Variants in NOTCH1 observed in about 807,000 individuals in gnomAD.
The protein encoded by NOTCH1 is neurogenic locus notch homolog protein 1.
Under a neutral mutation model 254.8 loss-of-function variants are expected in NOTCH1, and 37 were observed. That is an observed-to-expected ratio of 0.15 (90% CI 0.11 to 0.19). The LOEUF (loss-of-function observed/expected upper bound fraction) is 0.19. Ranked by LOEUF, NOTCH1 falls within the 10% of genes least tolerant of loss-of-function variation. NOTCH1 has a pLI of 1.00. For missense variants in NOTCH1, 2,972 were observed against 3,708.6 expected, an observed-to-expected ratio of 0.80 and a Z score of 5.16; for synonymous variants, 1,731 against 1,618.1, an observed-to-expected ratio of 1.07 and a Z score of -1.68.
At chr9:136,502,121 G>C (rs1843007183) in intron 28 of NOTCH1, 33 bp from the exon 29 acceptor site, 1 of 1,611,034 alleles carries the variant, frequency 6.2e-7, no homozygotes, top group Non-Finnish European at 8.5e-7. Context: ...GTGAGGCTGA[G>C]CGAGCTCCCT....
chr9:136,501,688 T>G, intron 30 of NOTCH1, 60 bp downstream of exon 30: 2 of 1,584,106 alleles, frequency 1.3e-6, no homozygotes, highest in Non-Finnish European at 1.7e-6. Context: ...CCTCGGGGCT[T>G]AGGGGAGAGA....
intron 2 of NOTCH1, among the ~76,000 whole-genome samples, chr9:136,532,444 CCA>C (rs1843576333): frequency 6.7e-6 from 1 of 149,010 alleles, no homozygotes; most frequent in Admixed American, 6.7e-5. Context: ...CATGCAAATC[CCA>C]CACAGTCTCC....
rs1030556389 is a variant in NOTCH1 at position 136,496,812 on chromosome 9, C to T, written c.6927G>A (p.Glu2309=). 1.2e-6 allele frequency: 2 copies of T among 1,612,822 alleles called. No homozygotes were observed. Among genetic ancestry groups the T allele is most frequent in the Non-Finnish European group, 1.7e-6 (2 of 1,180,014 alleles). The change falls in exon 34 of 34, where the codon GAG becomes GAA. Residue 2309 remains glutamate (E), a synonymous_variant. Transcript: ENST00000651671. Reference sequence around the variant, plus strand: ...TGCCGCTCTGCAGCCGGGACAGCCACTCGCATTGACCATTCAAACTGGTGG... The same window carrying T: ...TGCCGCTCTGCAGCCGGGACAGCCATTCGCATTGACCATTCAAACTGGTGG... The part of the protein sequence containing the change: ...GGSTSLNGQC[E]WLSRLQSGMV...
chr9:136,520,587 A>C (rs1210565498), intron 4 of NOTCH1, among the ~76,000 whole-genome samples: 4 of 152,124 alleles, frequency 2.6e-5, no homozygotes, highest in African/African-American at 9.7e-5. Flanking sequence ...AAATACAAGA[A>C]GTAGCAAAGC....
At chr9:136,512,779 A>T (rs934059405) in intron 15 of NOTCH1, among the ~76,000 whole-genome samples, 1 of 152,170 alleles carries the variant, frequency 6.6e-6, no homozygotes. Flanking sequence ...CTAATCTGCC[A>T]ACCCCACCCC....
chr9:136,505,444 A>G lies in NOTCH1; in HGVS notation c.4452T>C (p.Asn1484=), dbSNP rs1016212232. Residue 1484 remains asparagine, a synonymous_variant, in exon 25 of 34, where the codon AAT becomes AAC. Transcript: ENST00000651671. ...ACTGCGTGCAGTTCTTCCAGGGGTC[A>G]TTGAAGTTGAGGGAGCAGTCACCGC... ...WDGGDCSLNF[N]DPWKNCTQSL... 3 of 1,612,890 alleles carry G rather than the reference A, an allele frequency of 1.9e-6. No homozygotes were observed. Among genetic ancestry groups the G allele is most frequent in the Non-Finnish European group, 2.5e-6 (3 of 1,180,016 alleles).
intron 26 of NOTCH1, 131 bp from the exon 27 acceptor site, chr9:136,503,461 G>C: frequency 2.9e-6 from 4 of 1,383,224 alleles, no homozygotes; most frequent in Non-Finnish European, 1.0e-6. Flanking sequence ...GCCTGGGGTG[G>C]TGGGAAGCCA....
chr9:136,495,643 G>A lies in NOTCH1; in HGVS notation c.*428C>T, dbSNP rs1265657826. ...AGGGCGCGGCCTGGACGCCCCAGGA[G>A]CTTTTTGGACTATGCTCGTTCAACT... is the stretch of plus-strand genomic sequence containing the variant. On this transcript the variant is annotated 3_prime_UTR_variant, in exon 34 of 34. Transcript: ENST00000651671. 5.0e-6 allele frequency: 2 copies of A among 403,626 alleles called. No individual in the cohort carries two copies. The highest frequency in any genetic ancestry group is 8.7e-6 in the Non-Finnish European group (2 of 229,240). The allele number at this position is 403,626 out of a possible 1,614,324, so 25.0% of individuals were successfully genotyped here.
At position 136,502,014 on chromosome 9, in the gene NOTCH1, G is replaced by A; in HGVS notation, c.5459C>T (p.Thr1820Ile). ...QNEWGDEDLE[T>I]KKFRFEEPVV... ...CTCGCGACTCACCCGGAACTTCTTG[G>A]TCTCCAGGTCCTCGTCCCCCCACTC... The change falls in exon 29 of 34, where the codon ACC (threonine) becomes ATC (isoleucine). Residue 1820 changes from threonine (T) to isoleucine (I), a missense_variant. Thr to Ile is a moderately conservative substitution (Grantham distance 89). Coordinates refer to ENST00000651671, the MANE Select transcript of NOTCH1 (RefSeq NM_017617.5). 6.2e-7 allele frequency: 1 copy of A among 1,613,148 alleles called. No homozygotes were observed. The highest frequency in any genetic ancestry group is 2.2e-5 in the East Asian group (1 of 44,874).
chr9:136,516,159 T>C (rs2133365704), intron 9 of NOTCH1, 65 bp from the exon 10 acceptor site: 1 of 1,265,788 alleles, frequency 7.9e-7, no homozygotes, highest in South Asian at 1.2e-5. Flanking sequence ...CAGGGACCCC[T>C]GGCCAGACCC....
At chr9:136,532,341 C>A (rs967501707) in intron 2 of NOTCH1, among the ~76,000 whole-genome samples, 1 of 152,226 alleles carries the variant, frequency 6.6e-6, no homozygotes, top group East Asian at 1.9e-4. Context: ...CAGTGCCTCG[C>A]GGCCTCGCCC....
rs200243788 is a variant in NOTCH1, at chr9:136,510,675, G to A, written c.2718C>T (p.Thr906=). The A allele has an allele frequency of 1.8e-4, 296 of 1,608,608 alleles. No individual in the cohort carries two copies. The highest frequency in any genetic ancestry group is 2.2e-4 in the Non-Finnish European group (255 of 1,179,514). The change falls in exon 17 of 34, where the codon ACC becomes ACT. Residue 906 remains threonine (T), a synonymous_variant. Transcript: ENST00000651671. ...CACTGGGCCGGCAGTCGTCGATGTC[G>A]GTCTCGCAGTTGCGCCCACTGTAGC... is the stretch of plus-strand genomic sequence containing the variant. ...QAGYSGRNCE[T]DIDDCRPNPC... is the part of the protein sequence containing the mutation.
At chr9:136,520,113 G>A (rs1188910044) in intron 4 of NOTCH1, among the ~76,000 whole-genome samples, 2 of 152,212 alleles carry the variant, frequency 1.3e-5, no homozygotes, top group East Asian at 3.9e-4. Flanking sequence ...GGCTGCCAGG[G>A]CCCCCTCCCC....
chr9:136,501,286 T>C (rs1270160780), intron 30 of NOTCH1, among the ~76,000 whole-genome samples: 1 of 151,714 alleles, frequency 6.6e-6, no homozygotes, highest in Non-Finnish European at 1.5e-5. Flanking sequence ...ATACAAAAAT[T>C]AGCCAGGTGT....
At chr9:136,526,895 A>G (rs1259483952) in intron 2 of NOTCH1, among the ~76,000 whole-genome samples, 2 of 152,156 alleles carry the variant, frequency 1.3e-5, no homozygotes, top group African/African-American at 4.8e-5. Flanking sequence ...CCCCAGCCGG[A>G]GGCCTGAGGA....
chr9:136,529,995 G>A lies in NOTCH1; in HGVS notation c.141-6016C>T, dbSNP rs191409368. Among the ~76,000 whole-genome samples, 981 of 101,062 alleles carry A rather than the reference G, an allele frequency of 9.7e-3. 11 individuals are homozygous for A. The highest frequency in any genetic ancestry group is 0.02 in the Middle Eastern group (4 of 200). The allele number at this position is 101,062 out of a possible 152,430, so 66.3% of individuals were successfully genotyped here. On this transcript the variant is annotated intron_variant, in intron 2 of 33. Coordinates refer to ENST00000651671, the MANE Select transcript of NOTCH1 (RefSeq NM_017617.5). ...CTGGAGCTGCTGAAAGCTGCACGGG[G>A]GCCCTGCCCTGGCTCCCAGGGCCCC...
chr9:136,521,559 C>T (rs1589070897), intron 4 of NOTCH1, among the ~76,000 whole-genome samples: 3 of 152,332 alleles, frequency 2.0e-5, no homozygotes, highest in East Asian at 1.9e-4. Context: ...CCACGGCCCC[C>T]CAAGAGCTTG....
At chr9:136,512,075 C>T (rs1306145091) in intron 15 of NOTCH1, among the ~76,000 whole-genome samples, 2 of 152,218 alleles carry the variant, frequency 1.3e-5, no homozygotes, top group Non-Finnish European at 2.9e-5. Context: ...CCAGAGTTTC[C>T]GACAATTGTG....
At chr9:136,512,349 G>T (rs1843194183) in intron 15 of NOTCH1, among the ~76,000 whole-genome samples, 1 of 152,204 alleles carries the variant, frequency 6.6e-6, no homozygotes, top group Non-Finnish European at 1.5e-5. Context: ...TCCCTGACCA[G>T]GCCCCGTGGC....
Sources: gnomAD v4.1 joint callset for allele counts (sites outside exome capture counted in the v4.1 genomes callset) on GRCh38, gnomAD v4.1.1 for gene constraint, MANE v1.5 for transcripts, NCBI Gene and HGNC (gene_info 2026-07-23, HGNC 2026-07-21) for gene names.